Variants in FOXJ3 observed in about 807,000 individuals in gnomAD.
FOXJ3 encodes forkhead box protein J3.
In FOXJ3, 22 loss-of-function variants were observed where a neutral mutation model predicts 76.1. The ratio of observed to expected loss-of-function variants is 0.29; its 90% confidence interval spans 0.21 to 0.41. The LOEUF is 0.41. Among genes scored for constraint, FOXJ3 ranks in the 10% least tolerant of loss-of-function variants. The pLI is 1.00. For synonymous variants in FOXJ3, 269 were observed against 261.2 expected (o/e 1.03, Z -0.29); for missense variants, 613 against 762.1 (o/e 0.80, Z 2.30).
chr1:42,330,884 T>G lies in FOXJ3; in HGVS notation c.-18+4175A>C, dbSNP rs149315275. ...AAGATATTCTGCCTTTATCACAGGG[T>G]TGTTGAGATCAAATTAGAGAATGTA... is the stretch of plus-strand genomic sequence containing the variant. On this transcript the variant is annotated intron_variant, in intron 1 of 12. Coordinates refer to ENST00000361346, the MANE Select transcript of FOXJ3 (RefSeq NM_014947.5). Among the ~76,000 whole-genome samples, 7 of 152,244 alleles carry G rather than the reference T, an allele frequency of 4.6e-5. No individual in the cohort carries two copies. The East Asian group carries it at 1.4e-3, about 29-fold the overall frequency.
At chr1:42,285,107 T>C (rs1029561656) in intron 2 of FOXJ3, among the ~76,000 whole-genome samples, 2 of 152,202 alleles carry the variant, frequency 1.3e-5, no homozygotes, top group African/African-American at 4.8e-5. Flanking sequence ...TTATGATTTT[T>C]TTCCTTCAAT....
At chr1:42,210,103 GC>G (rs1424273389) in intron 5 of FOXJ3, among the ~76,000 whole-genome samples, 1 of 152,204 alleles carries the variant, frequency 6.6e-6, no homozygotes, top group Non-Finnish European at 1.5e-5. Context: ...GTCCGTGGGA[GC>G]TGAGTGGGGC....
At chr1:42,259,490 A>C (rs1650871091) in intron 4 of FOXJ3, among the ~76,000 whole-genome samples, 1 of 152,246 alleles carries the variant, frequency 6.6e-6, no homozygotes, top group Admixed American at 6.5e-5. Flanking sequence ...GAGAACAGAG[A>C]ACACTGTATG....
chr1:42,310,499 G>A (rs1654741342), intron 2 of FOXJ3, among the ~76,000 whole-genome samples: 1 of 149,560 alleles, frequency 6.7e-6, no homozygotes, highest in Non-Finnish European at 1.5e-5. Flanking sequence ...CCAGGCTGGA[G>A]TGCAGTGGCA....
chr1:42,280,261 C>G (rs1039078993), intron 2 of FOXJ3: 42 of 976,320 alleles, frequency 4.3e-5, no homozygotes, highest in Non-Finnish European at 5.0e-5. Flanking sequence ...AATTATAAAT[C>G]AGAAGACAAC....
chr1:42,261,968 A>C (rs1157361586), intron 4 of FOXJ3, among the ~76,000 whole-genome samples: 1 of 152,238 alleles, frequency 6.6e-6, no homozygotes, highest in Non-Finnish European at 1.5e-5. Flanking sequence ...CTAAGAACTA[A>C]GAAACCAACT....
Position 42,194,881 on chromosome 1 carries a change from A to T in FOXJ3, c.934+9T>A. ...ACTTTGTTATAAAAAAGATTTTAAG[A>T]AAACTCACCTTGTTGACTAAGTGAC... On this transcript the variant is annotated intron_variant, in intron 8 of 12. Transcript: ENST00000361346. 2.6e-6 allele frequency: 4 copies of T among 1,553,290 alleles called. No individual in the cohort carries two copies. Among genetic ancestry groups the T allele is most frequent in the Non-Finnish European group, 3.5e-6 (4 of 1,153,410 alleles).
intron 2 of FOXJ3, among the ~76,000 whole-genome samples, chr1:42,302,771 T>C (rs1654233968): frequency 6.6e-6 from 1 of 152,218 alleles, no homozygotes; most frequent in Non-Finnish European, 1.5e-5. Context: ...TTTTGCACTA[T>C]ATATGCACTG....
At chr1:42,238,753 G>A (rs1382615350) in intron 4 of FOXJ3, among the ~76,000 whole-genome samples, 1 of 152,078 alleles carries the variant, frequency 6.6e-6, no homozygotes, top group Non-Finnish European at 1.5e-5. Context: ...ATGTTGCCCA[G>A]GCTGGTCTTG....
Position 42,316,333 on chromosome 1 carries a change from C to CTTTT in FOXJ3, c.-17-5227_-17-5224dup, listed in dbSNP as rs71065173. On this transcript the variant is annotated intron_variant, in intron 1 of 12. Coordinates refer to ENST00000361346, the MANE Select transcript of FOXJ3 (RefSeq NM_014947.5). ...ACAGGTGCACACCACTGCATTGGGC[C>CTTTT]TTTTTTTTTTTTTTTTCTGTAGAAA... Among the ~76,000 whole-genome samples, 5 of 73,914 alleles carry CTTTT rather than the reference C, an allele frequency of 6.8e-5. 1 individual carries two copies. The highest frequency in any genetic ancestry group is 2.0e-4 in the Admixed American group (1 of 4,940). The allele number at this position is 73,914 out of a possible 152,430, so 48.5% of individuals were successfully genotyped here.
chr1:42,220,308 T>C (rs776899538), intron 5 of FOXJ3, among the ~76,000 whole-genome samples: 9 of 152,318 alleles, frequency 5.9e-5, no homozygotes, highest in Middle Eastern at 3.4e-3. Context: ...AGAGGAACAG[T>C]TGTGCACATA....
Position 42,220,024 on chromosome 1 carries a change from T to C in FOXJ3, c.528+7859A>G, listed in dbSNP as rs556669726. Among the ~76,000 whole-genome samples the C allele has an allele frequency of 9.8e-4, 150 of 152,352 alleles. 1 individual carries two copies. The highest frequency in any genetic ancestry group is 3.6e-3 in the African/African-American group (148 of 41,582). ...GCTTTAAATGTTCAGACAGTTTACA[T>C]TTCTAACAAGTGCATTATTTCCTAA... On this transcript the variant is annotated intron_variant, in intron 5 of 12. Transcript: ENST00000361346.
chr1:42,297,305 T>C (rs954966132), intron 2 of FOXJ3, among the ~76,000 whole-genome samples: 2 of 152,238 alleles, frequency 1.3e-5, no homozygotes, highest in African/African-American at 4.8e-5. Flanking sequence ...TCCAGTACTA[T>C]GTTGAACAAG....
At chr1:42,287,892 G>A (rs749608248) in intron 2 of FOXJ3, among the ~76,000 whole-genome samples, 1 of 152,058 alleles carries the variant, frequency 6.6e-6, no homozygotes, top group African/African-American at 2.4e-5. Context: ...CTGAGCCCAG[G>A]GAAGTCGAGA....
intron 2 of FOXJ3, among the ~76,000 whole-genome samples, chr1:42,284,174 G>A (rs909795121): frequency 1.8e-4 from 27 of 152,170 alleles, no homozygotes; most frequent in African/African-American, 6.5e-4. Flanking sequence ...AGAGAATTTA[G>A]GACATGGCAG....
At chr1:42,328,855 C>T (rs570548125) in intron 1 of FOXJ3, among the ~76,000 whole-genome samples, 7 of 151,880 alleles carry the variant, frequency 4.6e-5, no homozygotes, top group Non-Finnish European at 8.8e-5. Context: ...TTAGTAGAGA[C>T]GAGATTTCAC....
chr1:42,303,957 C>A (rs1654311145), intron 2 of FOXJ3, among the ~76,000 whole-genome samples: 1 of 151,994 alleles, frequency 6.6e-6, no homozygotes, highest in African/African-American at 2.4e-5. Context: ...AAAGGGCACA[C>A]AAATTAGAAA....
chr1:42,307,560 T>C (rs1654543885), intron 2 of FOXJ3, among the ~76,000 whole-genome samples: 3 of 152,258 alleles, frequency 2.0e-5, no homozygotes, highest in Admixed American at 1.3e-4. Flanking sequence ...AATACTGGTA[T>C]GGTTTCAGCC....
At position 42,199,237 on chromosome 1, in the gene FOXJ3, T is replaced by A. The variant is rs1437983434; in HGVS notation, c.631-7A>T. On this transcript the variant is annotated splice_region_variant and splice_polypyrimidine_tract_variant and intron_variant, in intron 6 of 12. Transcript: ENST00000361346. ...CAGTGTTATACAATGTTACCTAAAA[T>A]GAAAAAAGAAAAATGACAATTGAAT... 6.2e-7 allele frequency: 1 copy of A among 1,605,220 alleles called. No individual in the cohort carries two copies. The highest frequency in any genetic ancestry group is 1.3e-5 in the African/African-American group (1 of 74,366).
Sources: gnomAD v4.1 joint callset for allele counts (sites outside exome capture counted in the v4.1 genomes callset) on GRCh38, gnomAD v4.1.1 for gene constraint, MANE v1.5 for transcripts, NCBI Gene and HGNC (gene_info 2026-07-23, HGNC 2026-07-21) for gene names.